GRB14: variants seen among roughly 807,000 people sequenced by gnomAD.
GRB14 encodes growth factor receptor-bound protein 14.
In GRB14, 38 loss-of-function variants were observed where a neutral mutation model predicts 69.1. The observed-to-expected ratio is 0.55, with a 90% CI of 0.42 to 0.72. The LOEUF (loss-of-function observed/expected upper bound fraction) is 0.72. Ranked by LOEUF, GRB14 falls within the 30% of genes least tolerant of loss-of-function variation. The pLI is 0.00. For missense variants in GRB14, 666 were observed against 666.1 expected (o/e 1.00, Z 0.00); for synonymous variants, 247 against 241.3 (o/e 1.02, Z -0.22).
chr2:164,507,956 C>T (rs548505667), intron 8 of GRB14, among the ~76,000 whole-genome samples: 22 of 152,158 alleles, frequency 1.4e-4, no homozygotes, highest in Non-Finnish European at 2.9e-4. Flanking sequence ...CTACTTAGCA[C>T]GAGAGTAGAT....
intron 3 of GRB14, among the ~76,000 whole-genome samples, chr2:164,532,688 G>A (rs542998090): frequency 1.3e-4 from 20 of 152,104 alleles, no homozygotes; most frequent in Non-Finnish European, 2.6e-4. Flanking sequence ...ACGGGCAAGG[G>A]GTGGAATCTC....
In GRB14 at chr2:164,569,037, T is replaced by C. The variant is rs185556147; in HGVS notation, c.325-21221A>G. ...TGATATCACACACTGTTAAATATTA[T>C]TTTAACAATAAACCTAAATAATAGT... On this transcript the variant is annotated intron_variant, in intron 2 of 13. Transcript: ENST00000263915. 1.1e-3 allele frequency among the ~76,000 whole-genome samples: 161 copies of C among 152,246 alleles called. 2 individuals carry two copies. Among genetic ancestry groups the C allele is most frequent in the South Asian group, 9.3e-3 (45 of 4,824 alleles).
At chr2:164,516,105 G>A (rs779625633) in intron 6 of GRB14, among the ~76,000 whole-genome samples, 26 of 151,920 alleles carry the variant, frequency 1.7e-4, no homozygotes, top group African/African-American at 6.0e-4. Flanking sequence ...TGGTGTTCCC[G>A]AGGAAGAAAA....
At chr2:164,534,828 A>G (rs1266112596) in intron 3 of GRB14, among the ~76,000 whole-genome samples, 1 of 152,178 alleles carries the variant, frequency 6.6e-6, no homozygotes, top group Non-Finnish European at 1.5e-5. Flanking sequence ...TTGAATTACC[A>G]TTTGAGAAGT....
rs924122974 is a variant in GRB14, at chr2:164,573,799, C to T, written c.325-25983G>A. 2.5e-6 allele frequency: 4 copies of T among 1,612,680 alleles called. No individual in the cohort carries two copies. The East Asian group carries it at 6.7e-5, about 27-fold the overall frequency. ...GCATCCACCAGTGTATCAGCATTAACATGTTGGCAGATAAATTGAACATGA... is the reference window on the plus strand; with the variant it reads ...GCATCCACCAGTGTATCAGCATTAATATGTTGGCAGATAAATTGAACATGA... On this transcript the variant is annotated intron_variant, in intron 2 of 13. Transcript: ENST00000263915.
At chr2:164,591,525 C>A (rs1689663642) in intron 2 of GRB14, among the ~76,000 whole-genome samples, 1 of 152,158 alleles carries the variant, frequency 6.6e-6, no homozygotes, top group Admixed American at 6.5e-5. Context: ...GGTCCAACTG[C>A]ATCCTACAAT....
intron 2 of GRB14, among the ~76,000 whole-genome samples, chr2:164,551,108 G>C (rs552752627): frequency 6.6e-6 from 1 of 152,290 alleles, no homozygotes; most frequent in East Asian, 1.9e-4. Flanking sequence ...TACATATAAG[G>C]TCTTTTTAAA....
intron 2 of GRB14, among the ~76,000 whole-genome samples, chr2:164,578,522 GCACACACA>G (rs61283767): frequency 6.9e-5 from 10 of 145,680 alleles, no homozygotes; most frequent in African/African-American, 1.5e-4. Context: ...CAATTCGCGC[GCACACACA>G]CACACACACA....
intron 2 of GRB14, among the ~76,000 whole-genome samples, chr2:164,611,924 T>C (rs1433793537): frequency 6.6e-6 from 1 of 152,124 alleles, no homozygotes; most frequent in African/African-American, 2.4e-5. Context: ...CCACGACTCC[T>C]GTATCTGCTG....
At position 164,560,679 on chromosome 2, in the gene GRB14, A is replaced by C. The variant is rs142571701; in HGVS notation, c.325-12863T>G. On this transcript the variant is annotated intron_variant, in intron 2 of 13. Transcript: ENST00000263915. ...TGGAGTTTTCGCTGGGATTTCGAAC[A>C]GTTATATCAAATTTTTTCTTCAAAT... 5.8e-4 allele frequency among the ~76,000 whole-genome samples: 88 copies of C among 152,258 alleles called. 1 individual carries two copies. The highest frequency in any genetic ancestry group is 9.0e-4 in the Non-Finnish European group (61 of 68,014).
chr2:164,525,648 C>A (rs1032655296), intron 4 of GRB14, among the ~76,000 whole-genome samples: 2 of 152,044 alleles, frequency 1.3e-5, no homozygotes. Context: ...TTCAGTAGAT[C>A]CGGGCAAGTC....
chr2:164,603,094 C>T (rs962562382), intron 2 of GRB14, among the ~76,000 whole-genome samples: 4 of 152,046 alleles, frequency 2.6e-5, no homozygotes, highest in Non-Finnish European at 4.4e-5. Flanking sequence ...ACCTCAGGGT[C>T]CCATTTAAAT....
intron 3 of GRB14, among the ~76,000 whole-genome samples, chr2:164,531,886 A>C (rs1197581250): frequency 2.0e-5 from 3 of 152,198 alleles, no homozygotes; most frequent in Non-Finnish European, 4.4e-5. Flanking sequence ...GCCCTTCACC[A>C]AGCATGACAG....
intron 9 of GRB14, among the ~76,000 whole-genome samples, chr2:164,498,177 A>G (rs1430625267): frequency 6.6e-6 from 1 of 152,170 alleles, no homozygotes; most frequent in Non-Finnish European, 1.5e-5. Context: ...GATTTAACAT[A>G]TGAATACATT....
At chr2:164,616,627 T>G (rs1690306038) in intron 2 of GRB14, among the ~76,000 whole-genome samples, 1 of 152,174 alleles carries the variant, frequency 6.6e-6, no homozygotes, top group Non-Finnish European at 1.5e-5. Flanking sequence ...GTAAACAAAA[T>G]TTATGACTTG....
intron 3 of GRB14, among the ~76,000 whole-genome samples, chr2:164,540,141 A>G (rs1688193891): frequency 2.0e-5 from 3 of 152,026 alleles, no homozygotes; most frequent in Admixed American, 2.0e-4. Context: ...TCCAGGTGCA[A>G]TGGCCCCTAG....
intron 2 of GRB14, among the ~76,000 whole-genome samples, chr2:164,595,118 T>G (rs1689753339): frequency 6.6e-6 from 1 of 152,222 alleles, no homozygotes; most frequent in African/African-American, 2.4e-5. Flanking sequence ...AAAGGAAGAA[T>G]AAAATAATCC....
intron 3 of GRB14, among the ~76,000 whole-genome samples, chr2:164,543,796 A>G (rs1420233592): frequency 6.6e-6 from 1 of 152,238 alleles, no homozygotes; most frequent in Non-Finnish European, 1.5e-5. Context: ...GACTGAATAG[A>G]TATTGCAAGA....
chr2:164,591,434 A>G (rs564422467), intron 2 of GRB14, among the ~76,000 whole-genome samples: 14 of 152,304 alleles, frequency 9.2e-5, no homozygotes, highest in Admixed American at 5.2e-4. Flanking sequence ...GTATGCCTAT[A>G]ATAGACCCTC....
Sources: allele counts gnomAD v4.1 joint callset (sites outside exome capture counted in the v4.1 genomes callset), GRCh38; gene constraint gnomAD v4.1.1; transcripts MANE v1.5; gene names NCBI Gene and HGNC (gene_info 2026-07-23, HGNC 2026-07-21).